TPTE: variants seen among roughly 807,000 people sequenced by gnomAD.
The protein encoded by TPTE is putative tyrosine-protein phosphatase TPTE.
TPTE carries 59 observed loss-of-function variants against 84.1 expected under a neutral mutation model. The ratio of observed to expected loss-of-function variants is 0.70; its 90% confidence interval spans 0.57 to 0.87. The LOEUF (loss-of-function observed/expected upper bound fraction) is 0.87. TPTE is among the 40% of genes least tolerant of loss of function. TPTE has a pLI of 0.00. For missense variants in TPTE, 382 were observed against 659.6 expected, an observed-to-expected ratio of 0.58 and a Z score of 4.61; for synonymous variants, 130 against 223.5, an observed-to-expected ratio of 0.58 and a Z score of 3.73.
At chr21:10,577,060 C>T (rs1018508777) in intron 14 of TPTE, among the ~76,000 whole-genome samples, 4 of 152,304 alleles carry the variant, frequency 2.6e-5, no homozygotes, top group African/African-American at 4.8e-5. Flanking sequence ...CTTAGATAGA[C>T]TGTAATATGC....
chr21:10,605,312 G>A (rs1418492550), intron 23 of TPTE, 105 bp from the exon 24 acceptor site: 3 of 1,433,686 alleles, frequency 2.1e-6, no homozygotes, highest in Non-Finnish European at 2.8e-6. Context: ...TTCTATTCAT[G>A]GTGAGGTTCT....
intron 10 of TPTE, among the ~76,000 whole-genome samples, chr21:10,566,557 C>G (rs1183312463): frequency 3.9e-5 from 6 of 152,288 alleles, no homozygotes; most frequent in African/African-American, 9.6e-5. Flanking sequence ...TCTGCATTCC[C>G]TTTTTGTTGC....
intron 17 of TPTE, among the ~76,000 whole-genome samples, chr21:10,581,585 T>C (rs1310106194): frequency 1.3e-5 from 2 of 152,308 alleles, no homozygotes; most frequent in South Asian, 2.1e-4. Context: ...TTACCAGTAG[T>C]ATCGTGATAG....
chr21:10,574,682 G>A (rs11184124), intron 14 of TPTE, among the ~76,000 whole-genome samples: 4,319 of 142,860 alleles, frequency 0.03, no homozygotes, highest in African/African-American at 0.067. Flanking sequence ...CCCAGCCGGG[G>A]GCGGCATGGA....
chr21:10,540,725 G>T (rs2074353849), intron 4 of TPTE: 2 of 519,714 alleles, frequency 3.8e-6, no homozygotes, highest in Non-Finnish European at 7.7e-6. Context: ...GGGCAGGAGA[G>T]ACAACTAGGA....
At chr21:10,584,337 C>CTTTTT (rs58211728) in intron 17 of TPTE, among the ~76,000 whole-genome samples, 5 of 143,786 alleles carry the variant, frequency 3.5e-5, no homozygotes, top group Non-Finnish European at 1.5e-5. Flanking sequence ...CCTAAACTCA[C>CTTTTT]TTTTTTTTTT....
chr21:10,532,551 A>C (rs469959), intron 3 of TPTE, among the ~76,000 whole-genome samples: 31,518 of 144,356 alleles, frequency 0.22, 67 homozygotes, highest in African/African-American at 0.47. Context: ...AGACTTTGCC[A>C]TGTGTTCCTT....
chr21:10,605,329 G>T lies in TPTE; in HGVS notation c.1521-88G>T. ...CTATTCATGGTGAGGTTCTTTTTTT[G>T]TTTCTTCCAGCTCTAACGTGGGTAC... On this transcript the variant is annotated intron_variant, in intron 23 of 23. Transcript: ENST00000618007. The T allele has an allele frequency of 8.0e-6, 12 of 1,498,666 alleles. No individual in the cohort carries two copies. In the Admixed American group the frequency reaches 9.7e-5, roughly 12 times the overall value. The allele number at this position is 1,498,666 out of a possible 1,614,324, so 92.8% of individuals were successfully genotyped here.
intron 3 of TPTE, among the ~76,000 whole-genome samples, chr21:10,531,484 T>A (rs1014319237): frequency 2.0e-5 from 3 of 152,308 alleles, no homozygotes; most frequent in African/African-American, 7.2e-5. Context: ...AGCACACAAC[T>A]GTGAGCCAAA....
rs1483581933 is a variant in TPTE at position 10,561,014 on chromosome 21, T to C, written c.285-16T>C. On this transcript the variant is annotated splice_polypyrimidine_tract_variant and intron_variant, in intron 9 of 23. Coordinates refer to ENST00000618007, the MANE Select transcript of TPTE (RefSeq NM_199261.4). ...CTTTGCATTTATTTATTTATTTATT[T>C]ATTTGTTTATTTTAGACTATTTGGA... 3 of 1,604,544 alleles carry C rather than the reference T, an allele frequency of 1.9e-6. No homozygotes were observed. Among genetic ancestry groups the C allele is most frequent in the Non-Finnish European group, 2.5e-6 (3 of 1,176,924 alleles).
chr21:10,534,556 T>C (rs1311122593), intron 3 of TPTE, among the ~76,000 whole-genome samples: 1 of 152,310 alleles, frequency 6.6e-6, no homozygotes, highest in Admixed American at 6.5e-5. Context: ...TATGTACAAT[T>C]TAGTTTAATT....
At position 10,547,994 on chromosome 21, in the gene TPTE, C is replaced by T. The variant is rs1488997581; in HGVS notation, c.173+4612C>T. Among the ~76,000 whole-genome samples the T allele has an allele frequency of 3.3e-5, 5 of 152,422 alleles. No homozygotes were observed. The East Asian group carries it at 7.7e-4, about 23-fold the overall frequency. On this transcript the variant is annotated intron_variant, in intron 7 of 23. Coordinates refer to ENST00000618007, the MANE Select transcript of TPTE (RefSeq NM_199261.4). Reference sequence around the variant, plus strand: ...AGTGACTATGAGCCCATGCTCAGGACCTGAGAAACAGCCTTGCGGGCCCCA... The same window carrying T: ...AGTGACTATGAGCCCATGCTCAGGATCTGAGAAACAGCCTTGCGGGCCCCA...
At chr21:10,544,721 C>CT (rs1245673070) in intron 7 of TPTE, among the ~76,000 whole-genome samples, 1 of 152,304 alleles carries the variant, frequency 6.6e-6, no homozygotes, top group Non-Finnish European at 1.5e-5. Context: ...TTAACCCTAT[C>CT]TGAGGGGCAG....
chr21:10,546,318 G>A (rs1418250781), intron 7 of TPTE, among the ~76,000 whole-genome samples: 1 of 152,308 alleles, frequency 6.6e-6, no homozygotes, highest in East Asian at 1.9e-4. Context: ...TGACATGTTT[G>A]TTGTGACTGC....
intron 7 of TPTE, among the ~76,000 whole-genome samples, chr21:10,548,753 T>G (rs1241513144): frequency 1.3e-5 from 2 of 152,308 alleles, no homozygotes; most frequent in Non-Finnish European, 2.9e-5. Flanking sequence ...CCAGGCCAGA[T>G]GAGCAGCTGT....
chr21:10,599,540 A>C (rs1244578977), intron 21 of TPTE, among the ~76,000 whole-genome samples: 14 of 152,282 alleles, frequency 9.2e-5, no homozygotes, highest in African/African-American at 3.4e-4. Flanking sequence ...AAATTAGATA[A>C]TATATATAAA....
intron 9 of TPTE, among the ~76,000 whole-genome samples, chr21:10,560,678 G>C (rs1430358710): frequency 6.6e-6 from 1 of 152,426 alleles, no homozygotes; most frequent in Admixed American, 6.5e-5. Flanking sequence ...ATGAGAAATT[G>C]GTATAAACTT....
intron 21 of TPTE, among the ~76,000 whole-genome samples, chr21:10,598,627 G>A (rs1426094578): frequency 6.6e-6 from 1 of 152,312 alleles, no homozygotes; most frequent in Non-Finnish European, 1.5e-5. Context: ...TCTGTGGGAT[G>A]ACCCTGTGAG....
chr21:10,530,192 T>TA (rs2074152641), intron 3 of TPTE, among the ~76,000 whole-genome samples: 1 of 152,310 alleles, frequency 6.6e-6, no homozygotes, highest in Non-Finnish European at 1.5e-5. Context: ...ATCAGCCATT[T>TA]ACCCAAAGAA....
Sources: gnomAD v4.1 joint callset for allele counts (sites outside exome capture counted in the v4.1 genomes callset) on GRCh38, gnomAD v4.1.1 for gene constraint, MANE v1.5 for transcripts, NCBI Gene and HGNC (gene_info 2026-07-23, HGNC 2026-07-21) for gene names.